The following CDH10 variants were observed in gnomAD, a reference collection of about 807,000 sequenced individuals.
CDH10 encodes the protein cadherin 10, also known as cadherin-10.
In CDH10, 30 loss-of-function variants were observed where a neutral mutation model predicts 73.1. That is an observed-to-expected ratio of 0.41 (90% CI 0.31 to 0.56). The LOEUF (loss-of-function observed/expected upper bound fraction) is 0.56. Ranked by LOEUF, CDH10 falls within the 20% of genes least tolerant of loss-of-function variation. The pLI is 0.27. For synonymous variants in CDH10, 345 were observed against 348.2 expected (o/e 0.99, Z 0.10); for missense variants, 815 against 973.7 (o/e 0.84, Z 2.17).
intron 10 of CDH10, among the ~76,000 whole-genome samples, chr5:24,492,203 T>C (rs1462336834): frequency 6.6e-6 from 1 of 152,262 alleles, no homozygotes; most frequent in Non-Finnish European, 1.5e-5. Context: ...TTTATGTGCA[T>C]CTGTGCGTGT....
intron 2 of CDH10, among the ~76,000 whole-genome samples, chr5:24,552,099 TATA>T (rs1465868352): frequency 1.3e-5 from 2 of 152,130 alleles, no homozygotes; most frequent in African/African-American, 4.8e-5. Context: ...ACATGAAACA[TATA>T]AGTGCTTCTT....
chr5:24,503,091 G>A (rs1742553714), intron 8 of CDH10, among the ~76,000 whole-genome samples: 3 of 152,122 alleles, frequency 2.0e-5, no homozygotes, highest in African/African-American at 7.2e-5. Context: ...ACTTTGTCCT[G>A]AAGCTTTTAG....
At chr5:24,559,216 C>T (rs984743604) in intron 2 of CDH10, among the ~76,000 whole-genome samples, 1 of 151,876 alleles carries the variant, frequency 6.6e-6, no homozygotes. Context: ...AGGCTGTTAA[C>T]ATTTTACTCC....
intron 2 of CDH10, among the ~76,000 whole-genome samples, chr5:24,565,761 T>TCACA (rs903337518): frequency 6.6e-6 from 1 of 150,570 alleles, no homozygotes; most frequent in Non-Finnish European, 1.5e-5. Context: ...TCTCTCTCTT[T>TCACA]CACACACACA....
rs1352455121 is a variant in CDH10, at chr5:24,514,691, T to TC, written c.815-3178_815-3177insG. Reference sequence around the variant, plus strand: ...ATGTTAAGTGTTTAATTTCATTTGGTGTATAAAGTCTTATAAAATTTGATT... The same window carrying TC: ...ATGTTAAGTGTTTAATTTCATTTGGTCGTATAAAGTCTTATAAAATTTGATT... On this transcript the variant is annotated intron_variant, in intron 5 of 11. Coordinates refer to ENST00000264463, the MANE Select transcript of CDH10 (RefSeq NM_006727.5). Among the ~76,000 whole-genome samples, 12 of 152,304 alleles carry TC rather than the reference T, an allele frequency of 7.9e-5. No homozygotes were observed. The East Asian group carries it at 2.3e-3, about 29-fold the overall frequency.
intron 2 of CDH10, chr5:24,553,929 C>T (rs1028570561): frequency 1.7e-4 from 17 of 98,660 alleles, no homozygotes; most frequent in African/African-American, 4.3e-4. Flanking sequence ...TTACCATGGA[C>T]GCTATCCAGT....
At chr5:24,627,835 T>C (rs1421513214) in intron 1 of CDH10, among the ~76,000 whole-genome samples, 1 of 152,076 alleles carries the variant, frequency 6.6e-6, no homozygotes, top group Admixed American at 6.6e-5. Context: ...GCTTTACATA[T>C]ACGAACAGTA....
chr5:24,555,171 A>G (rs1317653468), intron 2 of CDH10, among the ~76,000 whole-genome samples: 2 of 152,120 alleles, frequency 1.3e-5, no homozygotes, highest in Admixed American at 6.6e-5. Context: ...TTGGTTCCCC[A>G]GAGAGTGATG....
intron 1 of CDH10, among the ~76,000 whole-genome samples, chr5:24,598,005 G>C (rs1456475157): frequency 6.6e-6 from 1 of 151,820 alleles, no homozygotes; most frequent in Admixed American, 6.6e-5. Flanking sequence ...AAAGTCCCTA[G>C]AGATGGATAA....
chr5:24,541,928 T>C (rs1744171155), intron 2 of CDH10, among the ~76,000 whole-genome samples: 1 of 152,152 alleles, frequency 6.6e-6, no homozygotes, highest in African/African-American at 2.4e-5. Flanking sequence ...TCCCATTGTT[T>C]AACTTTTTTA....
Position 24,535,791 on chromosome 5 carries a change from A to G in CDH10, c.558T>C (p.Asp186=), listed in dbSNP as rs759506407. Reference sequence around the variant, plus strand: ...TGTTCCCATATGAAGGGTCATCGGCATCTGTAGCTGTGACTTGCACCACAG... The same window carrying G: ...TGTTCCCATATGAAGGGTCATCGGCGTCTGTAGCTGTGACTTGCACCACAG... The part of the protein sequence containing the change: ...GTSVVQVTAT[D]ADDPSYGNSA... The change falls in exon 4 of 12, where the codon GAT becomes GAC. Residue 186 remains aspartate, a synonymous_variant. Coordinates refer to ENST00000264463, the MANE Select transcript of CDH10 (RefSeq NM_006727.5). 9 of 1,610,368 alleles carry G rather than the reference A, an allele frequency of 5.6e-6. No homozygotes were observed. The highest frequency in any genetic ancestry group is 1.7e-6 in the Non-Finnish European group (2 of 1,177,406).
At chr5:24,535,961 T>G (rs777419083) in intron 3 of CDH10, 139 bp from the exon 4 acceptor site, 10 of 498,498 alleles carry the variant, frequency 2.0e-5, no homozygotes, top group African/African-American at 3.8e-5. Context: ...TTTGGATGAA[T>G]ATGTAGATAT....
chr5:24,503,991 T>G (rs1742590957), intron 8 of CDH10, among the ~76,000 whole-genome samples: 1 of 152,124 alleles, frequency 6.6e-6, no homozygotes, highest in African/African-American at 2.4e-5. Flanking sequence ...AGTGACAAAT[T>G]TAATGTTTTT....
At chr5:24,496,284 T>A (rs1354147028) in intron 9 of CDH10, among the ~76,000 whole-genome samples, 1 of 152,174 alleles carries the variant, frequency 6.6e-6, no homozygotes, top group Non-Finnish European at 1.5e-5. Flanking sequence ...ATCATTAAAA[T>A]GTATTTTATT....
intron 1 of CDH10, among the ~76,000 whole-genome samples, chr5:24,618,323 C>T (rs749842807): frequency 2.2e-4 from 33 of 152,218 alleles, no homozygotes; most frequent in Non-Finnish European, 4.1e-4. Flanking sequence ...GAAGAGACAA[C>T]GCTGTTGCAG....
chr5:24,536,060 T>C (rs770720899), intron 3 of CDH10, among the ~76,000 whole-genome samples: 10 of 152,118 alleles, frequency 6.6e-5, no homozygotes, highest in Admixed American at 5.9e-4. Flanking sequence ...TAAATAATTC[T>C]AGCATACAGA....
At chr5:24,597,945 A>G (rs539869300) in intron 1 of CDH10, among the ~76,000 whole-genome samples, 1 of 151,924 alleles carries the variant, frequency 6.6e-6, no homozygotes, top group South Asian at 2.1e-4. Flanking sequence ...TTTTAAAAAT[A>G]TATATATTAT....
chr5:24,618,237 C>A (rs1406252618), intron 1 of CDH10, among the ~76,000 whole-genome samples: 1 of 152,148 alleles, frequency 6.6e-6, no homozygotes, highest in Non-Finnish European at 1.5e-5. Flanking sequence ...TGCAAAATTT[C>A]TGAGTCTCTG....
chr5:24,615,141 CT>C (rs1385505058), intron 1 of CDH10, among the ~76,000 whole-genome samples: 2 of 152,186 alleles, frequency 1.3e-5, no homozygotes, highest in Non-Finnish European at 2.9e-5. Flanking sequence ...TCACTGATTT[CT>C]CTTGATCAAG....
Sources: gnomAD v4.1 joint callset for allele counts (sites outside exome capture counted in the v4.1 genomes callset) on GRCh38, gnomAD v4.1.1 for gene constraint, MANE v1.5 for transcripts, NCBI Gene and HGNC (gene_info 2026-07-23, HGNC 2026-07-21) for gene names.